The following LNPEP variants were observed in gnomAD, a reference collection of about 807,000 sequenced individuals.
LNPEP encodes leucyl-cystinyl aminopeptidase.
Under a neutral mutation model 120.6 loss-of-function variants are expected in LNPEP, and 64 were observed. The observed-to-expected ratio is 0.53, with a 90% CI of 0.43 to 0.65. The LOEUF is 0.65. Among genes scored for constraint, LNPEP ranks in the 30% least tolerant of loss-of-function variants. The probability of loss-of-function intolerance (pLI) is 0.00; values close to 1 mark genes in which losing one functional copy is unlikely to be tolerated. For synonymous variants in LNPEP, 435 were observed against 425.4 expected, an observed-to-expected ratio of 1.02 and a Z score of -0.28; for missense variants, 1,057 against 1,200.0, an observed-to-expected ratio of 0.88 and a Z score of 1.76.
In LNPEP at chr5:96,954,274, T is replaced by C. The variant is rs79971448; in HGVS notation, c.19+18100T>C. Among the ~76,000 whole-genome samples, 105 of 152,302 alleles carry C rather than the reference T, an allele frequency of 6.9e-4. 2 individuals are homozygous for C. In the East Asian group the frequency reaches 0.02, roughly 29 times the overall value. On this transcript the variant is annotated intron_variant, in intron 1 of 17. Coordinates refer to ENST00000231368, the MANE Select transcript of LNPEP (RefSeq NM_005575.3). ...AAGGTCAGCTGGCCTGAGCTAGAAT[T>C]CTATTAATATGAAAGTAGATGATAT...
chr5:96,966,508 T>TTGTGTGTG (rs375861296), intron 1 of LNPEP, among the ~76,000 whole-genome samples: 35 of 133,458 alleles, frequency 2.6e-4, no homozygotes, highest in South Asian at 5.1e-4. Context: ...TTACATATAT[T>TTGTGTGTG]TGTGTGTGTG....
rs1057410096 is a variant in LNPEP, at chr5:96,986,684, G to A, written c.1131+14G>A. On this transcript the variant is annotated intron_variant, in intron 4 of 17. Coordinates refer to ENST00000231368, the MANE Select transcript of LNPEP (RefSeq NM_005575.3). ...AATGGAACCCTGGTATGTTGATGTG[G>A]TAATTGTCTGAAAGCCTGTGTCACA... 1.2e-6 allele frequency: 2 copies of A among 1,612,168 alleles called. No individual in the cohort carries two copies. Among genetic ancestry groups the A allele is most frequent in the African/African-American group, 1.3e-5 (1 of 74,836 alleles).
At chr5:96,985,490 TAATAC>T (rs2112615347) in intron 3 of LNPEP, among the ~76,000 whole-genome samples, 1 of 152,276 alleles carries the variant, frequency 6.6e-6, no homozygotes, top group Non-Finnish European at 1.5e-5. Flanking sequence ...GTGCAAATAT[TAATAC>T]AATGAACTAG....
At chr5:96,998,983 C>G (rs1790581481) in intron 8 of LNPEP, among the ~76,000 whole-genome samples, 1 of 152,046 alleles carries the variant, frequency 6.6e-6, no homozygotes, top group African/African-American at 2.4e-5. Flanking sequence ...AAATGAAGTA[C>G]TAATGGGCAA....
chr5:96,950,082 G>C (rs1328272166), intron 1 of LNPEP, among the ~76,000 whole-genome samples: 7 of 152,076 alleles, frequency 4.6e-5, no homozygotes, highest in Admixed American at 4.6e-4. Flanking sequence ...TGAGTACTTG[G>C]AGTATTTCAA....
intron 4 of LNPEP, among the ~76,000 whole-genome samples, chr5:96,988,995 A>G (rs899801764): frequency 1.3e-5 from 2 of 151,982 alleles, no homozygotes; most frequent in African/African-American, 4.8e-5. Context: ...TACACACTGC[A>G]TTCTCATATA....
rs909369487 is a variant in LNPEP, at chr5:97,037,317, G to A, written c.*8784G>A. 1 of 152,032 alleles carries A rather than the reference G, an allele frequency of 6.6e-6. No individual in the cohort carries two copies. The highest frequency in any genetic ancestry group is 6.6e-5 in the Admixed American group (1 of 15,226). 9.4% of individuals were successfully genotyped at this position (152,032 alleles called of 1,614,324 possible). ...ATTTGTATCATAATCTGTCTTTTGT[G>A]AAACATTTTGAAAATATGTATATAT... On this transcript the variant is annotated 3_prime_UTR_variant, in exon 18 of 18. Coordinates refer to ENST00000231368, the MANE Select transcript of LNPEP (RefSeq NM_005575.3).
intron 1 of LNPEP, among the ~76,000 whole-genome samples, chr5:96,954,713 C>T (rs1163244812): frequency 0.012 from 681 of 56,962 alleles, 152 homozygotes; most frequent in African/African-American, 0.018. Flanking sequence ...CATATATACA[C>T]ATATATATAC....
chr5:97,013,020 G>A (rs941137710), intron 11 of LNPEP, among the ~76,000 whole-genome samples: 14 of 152,126 alleles, frequency 9.2e-5, no homozygotes, highest in African/African-American at 3.1e-4. Context: ...ATTTTACACA[G>A]TTCTCTCACT....
At chr5:96,949,719 A>G (rs1321577837) in intron 1 of LNPEP, among the ~76,000 whole-genome samples, 2 of 152,244 alleles carry the variant, frequency 1.3e-5, no homozygotes, top group East Asian at 1.9e-4. Context: ...TTAATTACAT[A>G]TAGCAGACAA....
chr5:96,963,008 G>A (rs1318732304), intron 1 of LNPEP, among the ~76,000 whole-genome samples: 1 of 152,116 alleles, frequency 6.6e-6, no homozygotes, highest in African/African-American at 2.4e-5. Flanking sequence ...GCTGCACAGA[G>A]GGAGGAGTTT....
chr5:97,028,181 T>A (rs1376608640), intron 17 of LNPEP, among the ~76,000 whole-genome samples: 1 of 152,244 alleles, frequency 6.6e-6, no homozygotes, highest in Non-Finnish European at 1.5e-5. Flanking sequence ...AAAATGTATC[T>A]GTGTGGGAGT....
intron 1 of LNPEP, among the ~76,000 whole-genome samples, chr5:96,945,496 G>T (rs776368794): frequency 6.6e-6 from 1 of 151,960 alleles, no homozygotes; most frequent in Admixed American, 6.5e-5. Flanking sequence ...TTCAAAATAG[G>T]TCTAAGAAAT....
rs1028903111 is a variant in LNPEP at position 97,035,472 on chromosome 5, C to A, written c.*6939C>A. ...TTAATATGTTTTCATATCTTTATTT[C>A]ATTTTGTAGTCTTTTGCATGGCTAT... On this transcript the variant is annotated 3_prime_UTR_variant, in exon 18 of 18. Transcript: ENST00000231368. 7.9e-5 allele frequency: 12 copies of A among 152,140 alleles called. No homozygotes were observed. In the East Asian group the frequency reaches 2.3e-3, roughly 29 times the overall value. 9.4% of individuals were successfully genotyped at this position (152,140 alleles called of 1,614,324 possible).
In LNPEP at chr5:97,027,755, A is replaced by T. The variant is rs11746232; in HGVS notation, c.2887A>T (p.Ile963Leu). ...VQKFPLGSYT[I>L]QNIVAGSTYL... Reference sequence around the variant, plus strand: ...CAGGTTCCCTCTGGGGTCCTATACCATACAAAATATTGTTGCTGGATCAAC... The same window carrying T: ...CAGGTTCCCTCTGGGGTCCTATACCTTACAAAATATTGTTGCTGGATCAAC... The change falls in exon 17 of 18, where the codon ATA becomes TTA. Residue 963 changes from isoleucine (I) to leucine (L), a missense_variant. By Grantham distance (5) the Ile-to-Leu change is conservative. Transcript: ENST00000231368. 1 of 1,604,872 alleles carries T rather than the reference A, an allele frequency of 6.2e-7. No homozygotes were observed. The highest frequency in any genetic ancestry group is 2.2e-5 in the East Asian group (1 of 44,864).
At chr5:96,936,204 G>A (rs762925318) in intron 1 of LNPEP, 30 bp downstream of exon 1, 12 of 1,428,386 alleles carry the variant, frequency 8.4e-6, no homozygotes, top group Admixed American at 2.9e-5. Context: ...GCCGGGACCC[G>A]GGCTCTCCGG....
At position 96,999,326 on chromosome 5, in the gene LNPEP, G is replaced by A. The variant is rs115274633; in HGVS notation, c.1653+1181G>A. ...CTAGTAAGGGTGGAAAGAAAACAAT[G>A]GGTATAAAAAATACTGGGCAGGGAA... On this transcript the variant is annotated intron_variant, in intron 8 of 17. Coordinates refer to ENST00000231368, the MANE Select transcript of LNPEP (RefSeq NM_005575.3). Among the ~76,000 whole-genome samples, 489 of 152,232 alleles carry A rather than the reference G, an allele frequency of 3.2e-3. 2 individuals are homozygous for A. The highest frequency in any genetic ancestry group is 0.012 in the African/African-American group (484 of 41,546).
intron 1 of LNPEP, among the ~76,000 whole-genome samples, chr5:96,945,489 A>C (rs1322204807): frequency 6.6e-6 from 1 of 152,040 alleles, no homozygotes; most frequent in Non-Finnish European, 1.5e-5. Context: ...GGGCCATTTC[A>C]AAATAGGTCT....
chr5:96,979,812 G>A lies in LNPEP; in HGVS notation c.694G>A (p.Ala232Thr). The change falls in exon 2 of 18, where the codon GCT becomes ACT. Residue 232 changes from alanine (A) to threonine (T), a missense_variant. Ala to Thr is a moderately conservative substitution (Grantham distance 58). Transcript: ENST00000231368. Reference protein sequence around the residue: ...MSAVSSQEKQAEILEYAYHGQ... With the variant: ...MSAVSSQEKQTEILEYAYHGQ... Reference sequence around the variant, plus strand: ...AGCAGTTTCAAGCCAAGAAAAACAAGCTGAGATCCTGGAATATGCATATCA... The same window carrying A: ...AGCAGTTTCAAGCCAAGAAAAACAAACTGAGATCCTGGAATATGCATATCA... 3.7e-6 allele frequency: 6 copies of A among 1,614,012 alleles called. No individual in the cohort carries two copies. The highest frequency in any genetic ancestry group is 4.2e-6 in the Non-Finnish European group (5 of 1,179,944).
Sources: gnomAD v4.1 joint callset for allele counts (sites outside exome capture counted in the v4.1 genomes callset) on GRCh38, gnomAD v4.1.1 for gene constraint, MANE v1.5 for transcripts, NCBI Gene and HGNC (gene_info 2026-07-23, HGNC 2026-07-21) for gene names.